Variants in SLC43A1 observed in about 807,000 individuals in gnomAD.
The protein encoded by SLC43A1 is solute carrier family 43 member 1.
In SLC43A1, 31 loss-of-function variants were observed where a neutral mutation model predicts 59.5. The ratio of observed to expected loss-of-function variants is 0.52; its 90% CI spans 0.39 to 0.70. The LOEUF is 0.70. Ranked by LOEUF, SLC43A1 falls within the 30% of genes least tolerant of loss-of-function variation. The pLI is 0.00. For missense variants in SLC43A1, 598 were observed against 717.8 expected (o/e 0.83, Z 1.91); for synonymous variants, 259 against 290.9 (o/e 0.89, Z 1.12).
In SLC43A1 at chr11:57,514,464, T is replaced by A. The variant is rs1742067608; in HGVS notation, c.-13-340A>T. 3.8e-6 allele frequency: 1 copy of A among 263,178 alleles called. No homozygotes were observed. Among genetic ancestry groups the A allele is most frequent in the Non-Finnish European group, 7.3e-6 (1 of 137,000 alleles). The allele number at this position is 263,178 out of a possible 1,614,324, so 16.3% of individuals were successfully genotyped here. A position where few individuals can be genotyped will look rare whatever the true frequency, so the allele number is the denominator to read the frequency against. On this transcript the variant is annotated intron_variant, in intron 1 of 14. Coordinates refer to ENST00000278426, the MANE Select transcript of SLC43A1 (RefSeq NM_003627.6). This position sits in a 1 kb window ranked among gnomAD's most constrained non-coding sequence, Gnocchi z 5.5. Reference sequence around the variant, plus strand: ...GGGAGAAAGTCCGCATCTGCCCAGGTCCCCAGAGGACAGCAAGGGGCAGAG... The same window carrying A: ...GGGAGAAAGTCCGCATCTGCCCAGGACCCCAGAGGACAGCAAGGGGCAGAG...
intron 5 of SLC43A1, among the ~76,000 whole-genome samples, chr11:57,499,901 A>T (rs1043927572): frequency 1.3e-5 from 2 of 151,996 alleles, no homozygotes; most frequent in Non-Finnish European, 2.9e-5. Context: ...GGGGCTGCGC[A>T]GAGGGGCGGG....
chr11:57,495,974 A>G (rs938447812), intron 7 of SLC43A1, 57 bp downstream of exon 7: 2 of 1,582,112 alleles, frequency 1.3e-6, no homozygotes, highest in Non-Finnish European at 1.7e-6. Flanking sequence ...TCCGTCTATC[A>G]TATCACCACA....
At chr11:57,489,420 C>T in intron 11 of SLC43A1, 28 bp from the exon 12 acceptor site, 1 of 1,612,472 alleles carries the variant, frequency 6.2e-7, no homozygotes, top group Non-Finnish European at 8.5e-7. Context: ...TCACTGGCTG[C>T]TGCCTCTACG....
rs201615562 is a variant in SLC43A1 at position 57,497,740 on chromosome 11, G to T, written c.558+13C>A. ...TGTGTCAAGACAAAAAGAAAACCCA[G>T]GTGGCCTCATACCTTGATTCCTGGG... On this transcript the variant is annotated intron_variant, in intron 6 of 14. Coordinates refer to ENST00000278426, the MANE Select transcript of SLC43A1 (RefSeq NM_003627.6). 5.0e-4 allele frequency: 799 copies of T among 1,607,506 alleles called. No individual in the cohort carries two copies. Among genetic ancestry groups the T allele is most frequent in the Non-Finnish European group, 6.6e-4 (779 of 1,174,826 alleles).
chr11:57,491,089 T>G (rs566856442), intron 11 of SLC43A1, 135 bp downstream of exon 11: 1 of 1,126,194 alleles, frequency 8.9e-7, no homozygotes, highest in East Asian at 2.8e-5. Context: ...TTTCCTCATC[T>G]GTAAAATGGG....
chr11:57,487,340 G>T, intron 13 of SLC43A1, 122 bp from the exon 14 acceptor site: 1 of 1,243,882 alleles, frequency 8.0e-7, no homozygotes, highest in Non-Finnish European at 1.1e-6. Flanking sequence ...AAGCGTTCGG[G>T]CTCTTTGCAT....
intron 2 of SLC43A1, among the ~76,000 whole-genome samples, chr11:57,510,495 G>A (rs1364732227): frequency 7.5e-6 from 1 of 134,076 alleles, no homozygotes. Context: ...GATGGGCAAC[G>A]ACACATATTG....
At position 57,491,477 on chromosome 11, in the gene SLC43A1, T is replaced by C. The variant is rs1366949465; in HGVS notation, c.1054+114A>G. The C allele has an allele frequency of 3.2e-6, 5 of 1,573,774 alleles. No homozygotes were observed. The African/African-American group carries it at 6.8e-5, about 21-fold the overall frequency. On this transcript the variant is annotated intron_variant, in intron 10 of 14. Transcript: ENST00000278426. ...TAGCCTTCCTCTGAACCCAGACTCT[T>C]ACATCCCACAAAAGGGTTACCTGGG...
At chr11:57,489,431 T>TTCCCAGGAC in intron 11 of SLC43A1, 39 bp from the exon 12 acceptor site, 1 of 1,609,118 alleles carries the variant, frequency 6.2e-7, no homozygotes, top group Admixed American at 1.7e-5. Context: ...TGCCTCTACG[T>TTCCCAGGAC]TCCCAGGACT....
intron 8 of SLC43A1, among the ~76,000 whole-genome samples, chr11:57,493,383 G>T (rs1347071571): frequency 6.6e-6 from 1 of 152,112 alleles, no homozygotes; most frequent in African/African-American, 2.4e-5. Flanking sequence ...TACAGTTTGT[G>T]GGGTGCTTTT....
intron 7 of SLC43A1, among the ~76,000 whole-genome samples, chr11:57,495,412 C>T (rs1944049001): frequency 1.3e-5 from 2 of 151,980 alleles, no homozygotes; most frequent in Admixed American, 1.3e-4. Context: ...TCACTGAAAT[C>T]ATGCCACTGC....
intron 13 of SLC43A1, among the ~76,000 whole-genome samples, chr11:57,488,685 A>T (rs1179435879): frequency 1.3e-5 from 2 of 152,246 alleles, no homozygotes; most frequent in Non-Finnish European, 2.9e-5. Context: ...CAGCAGACAT[A>T]GAACCAAAGT....
chr11:57,500,912 C>A, intron 4 of SLC43A1, 57 bp from the exon 5 acceptor site: 3 of 1,606,104 alleles, frequency 1.9e-6, no homozygotes, highest in African/African-American at 1.3e-5. Context: ...AAGCCAAGGG[C>A]GGGAGCTGGG....
chr11:57,496,093 A>G lies in SLC43A1; in HGVS notation c.630T>C (p.Phe210=). Residue 210 remains phenylalanine (F), a synonymous_variant, in exon 7 of 15, where the codon TTT becomes TTC. Transcript: ENST00000278426. ...FTWSGLACLI[F]LNCTLNWPIE... is the part of the protein sequence containing the mutation. ...TGGGCCAGTTGAGGGTGCAGTTCAG[A>G]AAGATAAGGCAGGCCAGGCCAGACC... 2.5e-6 allele frequency: 4 copies of G among 1,614,156 alleles called. No individual in the cohort carries two copies. The highest frequency in any genetic ancestry group is 3.4e-6 in the Non-Finnish European group (4 of 1,180,022).
At chr11:57,493,839 C>A (rs902530324) in intron 8 of SLC43A1, among the ~76,000 whole-genome samples, 154 bp downstream of exon 8, 6 of 152,196 alleles carry the variant, frequency 3.9e-5, no homozygotes, top group African/African-American at 1.4e-4. Flanking sequence ...CTTTGATGTG[C>A]CCATCTGTAA....
At chr11:57,510,970 G>A (rs1266871319) in intron 2 of SLC43A1, among the ~76,000 whole-genome samples, 2 of 151,464 alleles carry the variant, frequency 1.3e-5, no homozygotes, top group Non-Finnish European at 2.9e-5. Flanking sequence ...CAACAAGAGA[G>A]AAATTCTGTC....
At position 57,493,981 on chromosome 11, in the gene SLC43A1, CCAGA is replaced by C. The variant is rs748975819; in HGVS notation, c.871+8_871+11del. ...CTATCCCCCAAGGCCGGCACCTTGA[CCAGA>C]CACTCACTCTCAGGAAGGTTTTCTG... On this transcript the variant is annotated splice_region_variant and intron_variant, in intron 8 of 14. Coordinates refer to ENST00000278426, the MANE Select transcript of SLC43A1 (RefSeq NM_003627.6). 3.8e-6 allele frequency: 6 copies of C among 1,575,568 alleles called. No homozygotes were observed. In the African/African-American group the frequency reaches 4.1e-5, roughly 11 times the overall value.
intron 14 of SLC43A1, among the ~76,000 whole-genome samples, chr11:57,486,458 T>C (rs2848635): frequency 0.76 from 114,313 of 150,340 alleles, 43,578 homozygotes; most frequent in East Asian, 0.89. Context: ...ATTTTACCAC[T>C]GCACTCCAGA....
chr11:57,487,680 A>G (rs1387452092), intron 13 of SLC43A1, among the ~76,000 whole-genome samples: 1 of 151,778 alleles, frequency 6.6e-6, no homozygotes, highest in Non-Finnish European at 1.5e-5. Flanking sequence ...AGATAGGCAG[A>G]GTGTTAGTGA....
Sources: allele counts gnomAD v4.1 joint callset (sites outside exome capture counted in the v4.1 genomes callset), GRCh38; gene constraint gnomAD v4.1.1; non-coding constraint Gnocchi (gnomAD v3.1); transcripts MANE v1.5; gene names NCBI Gene and HGNC (gene_info 2026-07-23, HGNC 2026-07-21).